Variants in ACOX2 observed in about 807,000 individuals in gnomAD.
The protein encoded by ACOX2 is peroxisomal acyl-coenzyme A oxidase 2.
A neutral mutation model predicts 77.5 loss-of-function variants in ACOX2; 59 were observed. That is an observed-to-expected ratio of 0.76 (90% confidence interval 0.62 to 0.95). ACOX2 has a LOEUF of 0.95. Among genes scored for constraint, ACOX2 ranks in the 40% least tolerant of loss-of-function variants. The probability of loss-of-function intolerance (pLI) is 0.00; values close to 1 mark genes in which losing one functional copy is unlikely to be tolerated. For synonymous variants in ACOX2, 317 were observed against 340.1 expected (o/e 0.93, Z 0.75); for missense variants, 837 against 880.4 (o/e 0.95, Z 0.62).
chr3:58,531,204 T>A lies in ACOX2; in HGVS notation c.819+47A>T, dbSNP rs1362652261. On this transcript the variant is annotated intron_variant, in intron 7 of 14. Coordinates refer to ENST00000302819, the MANE Select transcript of ACOX2 (RefSeq NM_003500.4). The surrounding 1 kb of genome is among the most constrained non-coding windows in gnomAD (Gnocchi z 5.8). The stretch of plus-strand genomic sequence containing the variant: ...AGGCCCAGCCTGCACAAAGCGCAGG[T>A]CCCCTCTCCAGGAAGTACAAGTCCC... 1.3e-6 allele frequency: 2 copies of A among 1,562,546 alleles called. No homozygotes were observed. Among genetic ancestry groups the A allele is most frequent in the African/African-American group, 2.7e-5 (2 of 73,814 alleles).
In ACOX2 at chr3:58,533,041, CT is replaced by C. The variant is rs1294995437; in HGVS notation, c.583+403del. On this transcript the variant is annotated intron_variant, in intron 5 of 14. Transcript: ENST00000302819. The surrounding 1 kb of genome is among the most constrained non-coding windows in gnomAD (Gnocchi z 5.6). The stretch of plus-strand genomic sequence containing the variant: ...GGGGCAGGCAGGCGTATTCTTTCCA[CT>C]GTGTCATCACAGGGCCTGTGCTCTG... 1.3e-5 allele frequency among the ~76,000 whole-genome samples: 2 copies of C among 152,176 alleles called. No individual in the cohort carries two copies. Among genetic ancestry groups the C allele is most frequent in the Non-Finnish European group, 2.9e-5 (2 of 68,040 alleles).
rs2063347249 is a variant in ACOX2 at position 58,519,949 on chromosome 3, A to AG, written c.1633-2527dup. Among the ~76,000 whole-genome samples the AG allele has an allele frequency of 6.6e-6, 1 of 152,192 alleles. No homozygotes were observed. Among genetic ancestry groups the AG allele is most frequent in the Admixed American group, 6.5e-5 (1 of 15,286 alleles). ...CTCAAATGCTCAAGGCTCTGAGTTG[A>AG]GGAGTGGAGTGATGGAGAGCTGCCC... On this transcript the variant is annotated intron_variant, in intron 12 of 14. Coordinates refer to ENST00000302819, the MANE Select transcript of ACOX2 (RefSeq NM_003500.4). The surrounding 1 kb of genome is among the most constrained non-coding windows in gnomAD (Gnocchi z 5.0).
In ACOX2 at chr3:58,535,002, C is replaced by A. The variant is rs2063470801; in HGVS notation, c.105G>T (p.Arg35=). The stretch of plus-strand genomic sequence containing the variant: ...CACCTCCATCAAGGATGTTGGTGAG[C>A]CGTTCCACGTCAAAGGACTGCATAT... ...ERYMQSFDVE[R]LTNILDGGAQ... is the part of the protein sequence containing the mutation. The change falls in exon 2 of 15, where the codon CGG becomes CGT. Residue 35 remains arginine, a synonymous_variant. Transcript: ENST00000302819. The surrounding 1 kb of genome is among the most constrained non-coding windows in gnomAD (Gnocchi z 4.8). 1 of 1,614,202 alleles carries A rather than the reference C, an allele frequency of 6.2e-7. No homozygotes were observed. Among genetic ancestry groups the A allele is most frequent in the Non-Finnish European group, 8.5e-7 (1 of 1,180,032 alleles).
At position 58,533,299 on chromosome 3, in the gene ACOX2, G is replaced by A; in HGVS notation, c.583+146C>T. 1 of 689,342 alleles carries A rather than the reference G, an allele frequency of 1.5e-6. No homozygotes were observed. Among genetic ancestry groups the A allele is most frequent in the South Asian group, 1.8e-5 (1 of 56,024 alleles). The allele number at this position is 689,342 out of a possible 1,614,324, so 42.7% of individuals were successfully genotyped here. A position where few individuals can be genotyped will look rare whatever the true frequency, so the allele number is the denominator to read the frequency against. The stretch of plus-strand genomic sequence containing the variant: ...TTACAGAGTAAGAACCTGAGGCTCA[G>A]GTTGGTGAACTGACTTGCCCAAGGT... On this transcript the variant is annotated intron_variant, in intron 5 of 14. Coordinates refer to ENST00000302819, the MANE Select transcript of ACOX2 (RefSeq NM_003500.4). This position sits in a 1 kb window ranked among gnomAD's most constrained non-coding sequence, Gnocchi z 5.6.
At position 58,526,898 on chromosome 3, in the gene ACOX2, C is replaced by T. The variant is rs2063399631; in HGVS notation, c.1156-242G>A. On this transcript the variant is annotated intron_variant, in intron 9 of 14. Transcript: ENST00000302819. This position sits in a 1 kb window ranked among gnomAD's most constrained non-coding sequence, Gnocchi z 4.3. ...AGAGTGAAGGAAAACCTGGCCTGGCCAGTGTCTCCAGGATTGGGAAGAGGG... is the reference window on the plus strand; with the variant it reads ...AGAGTGAAGGAAAACCTGGCCTGGCTAGTGTCTCCAGGATTGGGAAGAGGG... The T allele has an allele frequency of 6.3e-6, 3 of 476,736 alleles. No homozygotes were observed. The highest frequency in any genetic ancestry group is 7.4e-6 in the Non-Finnish European group (2 of 268,746). 29.5% of individuals were successfully genotyped at this position (476,736 alleles called of 1,614,324 possible).
Position 58,531,880 on chromosome 3 carries a change from C to G in ACOX2, c.584-68G>C. 1.3e-6 allele frequency: 2 copies of G among 1,520,598 alleles called. No individual in the cohort carries two copies. Among genetic ancestry groups the G allele is most frequent in the East Asian group, 2.3e-5 (1 of 42,788 alleles). The allele number at this position is 1,520,598 out of a possible 1,614,324, so 94.2% of individuals were successfully genotyped here. A position where few individuals can be genotyped will look rare whatever the true frequency, so the allele number is the denominator to read the frequency against. ...GCATTGCTTTTCCCAACCAACCCAG[C>G]CTCCTGGGGCTGGGGTTTTGGATGG... On this transcript the variant is annotated intron_variant, in intron 5 of 14. Transcript: ENST00000302819. The surrounding 1 kb of genome is among the most constrained non-coding windows in gnomAD (Gnocchi z 5.8).
chr3:58,517,356 G>T lies in ACOX2; in HGVS notation c.1700C>A (p.Ala567Glu). 1.2e-6 allele frequency: 2 copies of T among 1,614,102 alleles called. No individual in the cohort carries two copies. Among genetic ancestry groups the T allele is most frequent in the Middle Eastern group, 1.6e-4 (1 of 6,062 alleles). ...GAGGCGCTTGAGCACCTGCTGAATC[G>T]CTGGTTCATTTTCTAGTTTCTCCAG... The part of the protein sequence containing the change: ...EALEKLENEP[A>E]IQQVLKRLCD... Residue 567 changes from alanine (A) to glutamate (E), a missense_variant, in exon 13 of 15, where the codon GCG becomes GAG. Coordinates refer to ENST00000302819, the MANE Select transcript of ACOX2 (RefSeq NM_003500.4).
intron 13 of ACOX2, chr3:58,511,417 A>G (rs894025820): frequency 3.7e-6 from 1 of 266,704 alleles, no homozygotes; most frequent in Non-Finnish European, 7.6e-6. Context: ...ACCTCAGTCC[A>G]TTCTTACAGT....
Position 58,514,770 on chromosome 3 carries a change from A to G in ACOX2, c.1850+2436T>C, listed in dbSNP as rs1396154526. Among the ~76,000 whole-genome samples the G allele has an allele frequency of 4.6e-5, 7 of 152,228 alleles. No individual in the cohort carries two copies. Among genetic ancestry groups the G allele is most frequent in the Non-Finnish European group, 1.0e-4 (7 of 68,038 alleles). ...AATGCTGTTTGCAAATTTAAAAAACATGCTTATAGGGTGTTAAGGTAATCT... is the reference window on the plus strand; with the variant it reads ...AATGCTGTTTGCAAATTTAAAAAACGTGCTTATAGGGTGTTAAGGTAATCT... On this transcript the variant is annotated intron_variant, in intron 13 of 14. Transcript: ENST00000302819. This position sits in a 1 kb window ranked among gnomAD's most constrained non-coding sequence, Gnocchi z 4.3.
Position 58,522,485 on chromosome 3 carries a change from C to T in ACOX2, c.1632+11G>A. 2 of 1,613,352 alleles carry T rather than the reference C, an allele frequency of 1.2e-6. No homozygotes were observed. The highest frequency in any genetic ancestry group is 1.7e-6 in the Non-Finnish European group (2 of 1,179,366). ...ATGGATCCCTTTCAGCTTCAGCTGG[C>T]AGGCGCTCACCTTAGCAGCCTGGAG... On this transcript the variant is annotated intron_variant, in intron 12 of 14. Transcript: ENST00000302819. The surrounding 1 kb of genome is among the most constrained non-coding windows in gnomAD (Gnocchi z 4.3).
At chr3:58,527,696 C>G (rs2063406542) in intron 9 of ACOX2, among the ~76,000 whole-genome samples, 1 of 151,992 alleles carries the variant, frequency 6.6e-6, no homozygotes, top group Admixed American at 6.6e-5. Flanking sequence ...GTTTGTTTTT[C>G]TTTTTTGAGA....
At chr3:58,510,697 T>A (rs2063278271) in intron 13 of ACOX2, among the ~76,000 whole-genome samples, 2 of 6,902 alleles carry the variant, frequency 2.9e-4, no homozygotes, top group Admixed American at 3.1e-3. Context: ...TATATATATA[T>A]ATATATATAT....
intron 13 of ACOX2, among the ~76,000 whole-genome samples, chr3:58,513,509 C>A (rs2063301602): frequency 6.6e-6 from 1 of 152,024 alleles, no homozygotes; most frequent in Non-Finnish European, 1.5e-5. Context: ...TTTTTCATTT[C>A]CATTATCATT....
rs1447913721 is a variant in ACOX2 at position 58,522,820 on chromosome 3, A to G, written c.1527-219T>C. On this transcript the variant is annotated intron_variant, in intron 11 of 14. Coordinates refer to ENST00000302819, the MANE Select transcript of ACOX2 (RefSeq NM_003500.4). The surrounding 1 kb of genome is among the most constrained non-coding windows in gnomAD (Gnocchi z 4.3). ...AACTGAGTCCCAGAGAGGTTAACCA[A>G]TTTGTCCAGGGTCACACAGCTAGTA... The G allele has an allele frequency of 4.0e-6, 2 of 503,312 alleles. No individual in the cohort carries two copies. Among genetic ancestry groups the G allele is most frequent in the Non-Finnish European group, 7.2e-6 (2 of 277,298 alleles). 31.2% of individuals were successfully genotyped at this position (503,312 alleles called of 1,614,324 possible).
chr3:58,528,079 G>C lies in ACOX2; in HGVS notation c.1155+715C>G, dbSNP rs1307171056. 6.6e-6 allele frequency among the ~76,000 whole-genome samples: 1 copy of C among 152,144 alleles called. No individual in the cohort carries two copies. ...GGCCCCAACAGGACAGAGGCTGCTG[G>C]GCAGCAGGACTGCTTTCAGATTTTG... On this transcript the variant is annotated intron_variant, in intron 9 of 14. Transcript: ENST00000302819. The surrounding 1 kb of genome is among the most constrained non-coding windows in gnomAD (Gnocchi z 5.6).
Position 58,533,319 on chromosome 3 carries a change from C to T in ACOX2, c.583+126G>A. The T allele has an allele frequency of 1.2e-6, 1 of 861,238 alleles. No individual in the cohort carries two copies. The allele number at this position is 861,238 out of a possible 1,614,324, so 53.3% of individuals were successfully genotyped here. On this transcript the variant is annotated intron_variant, in intron 5 of 14. Coordinates refer to ENST00000302819, the MANE Select transcript of ACOX2 (RefSeq NM_003500.4). The surrounding 1 kb of genome is among the most constrained non-coding windows in gnomAD (Gnocchi z 5.6). ...GCTCAGGTTGGTGAACTGACTTGCC[C>T]AAGGTCAGCAGCCTAGAACAGAAAA...
Position 58,533,650 on chromosome 3 carries a change from G to C in ACOX2, c.476-98C>G. The C allele has an allele frequency of 9.1e-7, 1 of 1,094,366 alleles. No homozygotes were observed. The highest frequency in any genetic ancestry group is 1.4e-6 in the Non-Finnish European group (1 of 728,516). The allele number at this position is 1,094,366 out of a possible 1,614,324, so 67.8% of individuals were successfully genotyped here. A position where few individuals can be genotyped will look rare whatever the true frequency, so the allele number is the denominator to read the frequency against. ...GTCTGAACTCTTAGGCATCAGCGCA[G>C]TATGGAGTGGGGCCCAGCTCCCAGC... is the stretch of plus-strand genomic sequence containing the variant. On this transcript the variant is annotated intron_variant, in intron 4 of 14. Transcript: ENST00000302819. The surrounding 1 kb of genome is among the most constrained non-coding windows in gnomAD (Gnocchi z 5.6).
intron 14 of ACOX2, among the ~76,000 whole-genome samples, chr3:58,506,520 T>C (rs1418915061): frequency 6.6e-6 from 1 of 152,178 alleles, no homozygotes; most frequent in East Asian, 1.9e-4. Context: ...CTGCCAGGCA[T>C]GGTGGCTCAC....
intron 12 of ACOX2, among the ~76,000 whole-genome samples, chr3:58,520,708 G>A (rs760625673): frequency 4.6e-5 from 7 of 152,208 alleles, no homozygotes; most frequent in Admixed American, 3.3e-4. Context: ...AGCACAGAGA[G>A]TACAGAAAGC....
Sources: gnomAD v4.1 joint callset for allele counts (sites outside exome capture counted in the v4.1 genomes callset) on GRCh38, gnomAD v4.1.1 for gene constraint, Gnocchi (gnomAD v3.1) non-coding constraint, MANE v1.5 for transcripts, NCBI Gene and HGNC (gene_info 2026-07-23, HGNC 2026-07-21) for gene names.